ATP9B: variants seen among roughly 807,000 people sequenced by gnomAD.
The protein encoded by ATP9B is probable phospholipid-transporting ATPase IIB.
A neutral mutation model predicts 146.1 loss-of-function variants in ATP9B; 110 were observed. The observed-to-expected ratio is 0.75, with a 90% CI of 0.65 to 0.88. ATP9B has a LOEUF of 0.88. Among genes scored for constraint, ATP9B ranks in the 40% least tolerant of loss-of-function variants. ATP9B has a pLI of 0.00. For missense variants in ATP9B, 1,499 were observed against 1,496.4 expected (o/e 1.00, Z -0.03); for synonymous variants, 604 against 569.7 (o/e 1.06, Z -0.86).
intron 4 of ATP9B, among the ~76,000 whole-genome samples, chr18:79,114,691 TATTAA>T (rs974193793): frequency 1.6e-4 from 25 of 152,318 alleles, no homozygotes; most frequent in South Asian, 1.5e-3. Context: ...ATTTTTAACT[TATTAA>T]ATTAGTAAGA....
intron 9 of ATP9B, among the ~76,000 whole-genome samples, chr18:79,194,874 TTTTG>T (rs2095404397): frequency 1.3e-5 from 2 of 152,044 alleles, no homozygotes; most frequent in Non-Finnish European, 2.9e-5. Flanking sequence ...ATCATCCAGG[TTTTG>T]CACACAGAAG....
At chr18:79,187,975 A>G (rs182702149) in intron 8 of ATP9B, among the ~76,000 whole-genome samples, 54 of 152,300 alleles carry the variant, frequency 3.5e-4, no homozygotes, top group African/African-American at 1.0e-3. Flanking sequence ...ACAACTCTCC[A>G]GTCCCTTTAA....
intron 17 of ATP9B, among the ~76,000 whole-genome samples, chr18:79,336,159 C>T (rs569217928): frequency 2.0e-3 from 268 of 134,098 alleles, no homozygotes; most frequent in Non-Finnish European, 3.4e-3. Flanking sequence ...CCGCCGTGTG[C>T]ACCCTCTGTG....
intron 5 of ATP9B, among the ~76,000 whole-genome samples, chr18:79,135,546 G>A (rs988627272): frequency 2.0e-5 from 3 of 151,974 alleles, no homozygotes; most frequent in Non-Finnish European, 4.4e-5. Context: ...CCCTCTTTCC[G>A]GCTCATTCTC....
At chr18:79,264,208 C>T (rs973495502) in intron 12 of ATP9B, among the ~76,000 whole-genome samples, 3 of 152,230 alleles carry the variant, frequency 2.0e-5, no homozygotes, top group African/African-American at 7.2e-5. Context: ...ACCATTCCAA[C>T]ATCAGTGTGG....
Position 79,306,991 on chromosome 18 carries a change from G to A in ATP9B, c.1530G>A (p.Gln510=). 2 of 1,614,096 alleles carry A rather than the reference G, an allele frequency of 1.2e-6. No individual in the cohort carries two copies. The highest frequency in any genetic ancestry group is 1.7e-6 in the Non-Finnish European group (2 of 1,179,958). Residue 510 remains glutamine, a synonymous_variant, in exon 15 of 30, where the codon CAG becomes CAA. Transcript: ENST00000426216. ...TGACGTTTCATATTCTAAAGATGCA[G>A]TCTCAAGCTGGTGGAAACAATACTG... is the stretch of plus-strand genomic sequence containing the variant. ...SHVRDSYSQM[Q]SQAGGNNTGS...
chr18:79,309,875 C>G (rs1481162812), intron 15 of ATP9B, among the ~76,000 whole-genome samples: 1 of 152,148 alleles, frequency 6.6e-6, no homozygotes, highest in African/African-American at 2.4e-5. Context: ...GGTTCCATGA[C>G]TATTGAATGA....
At chr18:79,109,795 A>T (rs1018498984) in intron 2 of ATP9B, among the ~76,000 whole-genome samples, 2 of 152,032 alleles carry the variant, frequency 1.3e-5, no homozygotes, top group African/African-American at 4.8e-5. Context: ...TGAACTCCTA[A>T]CCTCAGGTGA....
intron 13 of ATP9B, among the ~76,000 whole-genome samples, chr18:79,281,454 G>T (rs981628181): frequency 1.3e-5 from 2 of 151,854 alleles, no homozygotes; most frequent in Non-Finnish European, 2.9e-5. Flanking sequence ...GCGAGATCAC[G>T]CCATTGCATG....
chr18:79,311,959 T>C (rs1404491782), intron 15 of ATP9B, among the ~76,000 whole-genome samples: 1 of 152,222 alleles, frequency 6.6e-6, no homozygotes, highest in African/African-American at 2.4e-5. Context: ...CACGCAGCCA[T>C]GCAGCCTTCC....
At chr18:79,191,896 C>G (rs1184371140) in intron 8 of ATP9B, among the ~76,000 whole-genome samples, 2 of 151,998 alleles carry the variant, frequency 1.3e-5, no homozygotes, top group Non-Finnish European at 2.9e-5. Context: ...TTAAATGATT[C>G]ATTGTAGAGA....
chr18:79,200,779 A>AGGCGGAGGTGGGAACTGTCGGGGTC (rs2095475928), intron 9 of ATP9B, among the ~76,000 whole-genome samples: 13 of 28,504 alleles, frequency 4.6e-4, no homozygotes, highest in East Asian at 1.3e-3. Flanking sequence ...GTCAGAGCAG[A>AGGCGGAGGTGGGAACTGTCGGGGTC]AGTAGTGGTG....
At chr18:79,147,835 G>A (rs1328415395) in intron 6 of ATP9B, among the ~76,000 whole-genome samples, 2 of 151,966 alleles carry the variant, frequency 1.3e-5, no homozygotes, top group Non-Finnish European at 2.9e-5. Context: ...GTAGAAGTCA[G>A]TAAAATGGAA....
intron 11 of ATP9B, among the ~76,000 whole-genome samples, chr18:79,252,128 GAAGTGGATTCCAATCC>G (rs1215001978): frequency 6.6e-6 from 1 of 152,308 alleles, no homozygotes; most frequent in East Asian, 1.9e-4. Context: ...GTAAACAGAG[GAAGTGGATTCCAATCC>G]AAGTGTGTAG....
intron 7 of ATP9B, chr18:79,174,208 A>T (rs1351893986): frequency 2.4e-6 from 1 of 425,228 alleles, no homozygotes; most frequent in African/African-American, 2.1e-5. Context: ...TGGATCTTAA[A>T]CTTTATTCTA....
At position 79,070,822 on chromosome 18, in the gene ATP9B, C is replaced by CT. The variant is rs370336061; in HGVS notation, c.119+1301dup. ...TTAGATATTGATGTCGCCATTTATG[C>CT]TTTTTTTTGGATTAATGTTTGCATG... On this transcript the variant is annotated intron_variant, in intron 1 of 29. Coordinates refer to ENST00000426216, the MANE Select transcript of ATP9B (RefSeq NM_198531.5). Among the ~76,000 whole-genome samples the CT allele has an allele frequency of 2.0e-3, 303 of 151,030 alleles. 3 individuals are homozygous for CT. Among genetic ancestry groups the CT allele is most frequent in the African/African-American group, 6.4e-3 (262 of 41,198 alleles).
At chr18:79,310,979 C>T (rs180979316) in intron 15 of ATP9B, among the ~76,000 whole-genome samples, 2 of 152,002 alleles carry the variant, frequency 1.3e-5, no homozygotes, top group East Asian at 3.9e-4. Context: ...GGCGAAACCC[C>T]GTCTCTACCA....
intron 3 of ATP9B, among the ~76,000 whole-genome samples, chr18:79,111,549 C>T (rs900397537): frequency 5.3e-5 from 8 of 152,106 alleles, no homozygotes; most frequent in Admixed American, 3.9e-4. Flanking sequence ...GATAAATATT[C>T]GCATCTTTAT....
intron 12 of ATP9B, among the ~76,000 whole-genome samples, chr18:79,269,248 C>G (rs1271905444): frequency 6.6e-6 from 1 of 152,194 alleles, no homozygotes; most frequent in Admixed American, 6.5e-5. Flanking sequence ...ACTGTCCTCG[C>G]CACACCTTTG....
Sources: allele counts gnomAD v4.1 joint callset (sites outside exome capture counted in the v4.1 genomes callset), GRCh38; gene constraint gnomAD v4.1.1; transcripts MANE v1.5; gene names NCBI Gene and HGNC (gene_info 2026-07-23, HGNC 2026-07-21).